CLIC5: variants seen among roughly 807,000 people sequenced by gnomAD.
CLIC5 encodes the protein CLIC family member 5.
Under a neutral mutation model 24.7 loss-of-function variants are expected in CLIC5, and 20 were observed. The observed-to-expected ratio is 0.81, with a 90% CI of 0.57 to 1.18. CLIC5 has a LOEUF of 1.18. Among genes scored for constraint, CLIC5 ranks in the 50% most tolerant of loss-of-function variants. The probability of loss-of-function intolerance (pLI) is 0.00; values close to 1 mark genes in which losing one functional copy is unlikely to be tolerated. For synonymous variants in CLIC5, 159 were observed against 135.6 expected (o/e 1.17, Z -1.20); for missense variants, 341 against 326.1 (o/e 1.05, Z -0.35).
At position 46,053,587 on chromosome 6, in the gene CLIC5, A is replaced by C. The variant is rs142347426; in HGVS notation, c.540+26116T>G. On this transcript the variant is annotated intron_variant, in intron 1 of 5. Transcript: ENST00000185206. ...GCCTTCCCTCCCACCCAGTAAATGT[A>C]CTTTAATCGTTGAGGTCGGTATTAA... Among the ~76,000 whole-genome samples the C allele has an allele frequency of 2.2e-4, 34 of 152,240 alleles. No individual in the cohort carries two copies. In the East Asian group the frequency reaches 6.0e-3, roughly 27 times the overall value.
intron 1 of CLIC5, among the ~76,000 whole-genome samples, chr6:46,077,703 G>A (rs1762808969): frequency 6.6e-6 from 1 of 152,182 alleles, no homozygotes; most frequent in Admixed American, 6.5e-5. Flanking sequence ...GCTGAGGTCA[G>A]TGGGACACTC....
intron 1 of CLIC5, among the ~76,000 whole-genome samples, chr6:45,988,141 G>A (rs1257997141): frequency 6.6e-6 from 1 of 152,130 alleles, no homozygotes; most frequent in Admixed American, 6.5e-5. Context: ...TGTGAAATCA[G>A]ACACATTACA....
At chr6:45,948,151 G>C (rs890188779) in intron 3 of CLIC5, among the ~76,000 whole-genome samples, 1 of 152,186 alleles carries the variant, frequency 6.6e-6, no homozygotes, top group African/African-American at 2.4e-5. Context: ...GTTGTGAATG[G>C]TGCCTGACAC....
intron 1 of CLIC5, among the ~76,000 whole-genome samples, chr6:45,962,843 A>C (rs1472485901): frequency 6.6e-6 from 1 of 152,124 alleles, no homozygotes; most frequent in African/African-American, 2.4e-5. Context: ...GGCTGCCTAC[A>C]ACTTTGTATG....
At chr6:46,009,897 G>A (rs572958862) in intron 1 of CLIC5, among the ~76,000 whole-genome samples, 3 of 152,298 alleles carry the variant, frequency 2.0e-5, no homozygotes, top group East Asian at 3.9e-4. Flanking sequence ...GTGGGTCAGG[G>A]ATCTGCAGTT....
intron 1 of CLIC5, among the ~76,000 whole-genome samples, chr6:46,067,188 C>T (rs138335981): frequency 6.6e-6 from 1 of 152,220 alleles, no homozygotes; most frequent in African/African-American, 2.4e-5. Flanking sequence ...GTTTAGTTCA[C>T]TTTGACCAAA....
At chr6:45,960,805 G>T (rs865858362) in intron 1 of CLIC5, among the ~76,000 whole-genome samples, 11 of 152,118 alleles carry the variant, frequency 7.2e-5, no homozygotes, top group Admixed American at 3.9e-4. Context: ...CCTGAACTCT[G>T]GGGAGTGGGC....
intron 1 of CLIC5, among the ~76,000 whole-genome samples, chr6:45,970,283 C>A (rs1405448332): frequency 7.0e-6 from 1 of 142,318 alleles, no homozygotes; most frequent in Non-Finnish European, 1.5e-5. Flanking sequence ...TAGAAGGGAG[C>A]TTTGAAAACA....
chr6:45,890,361 A>G (rs1046060290), intron 6 of CLIC5, among the ~76,000 whole-genome samples: 1 of 152,230 alleles, frequency 6.6e-6, no homozygotes, highest in Non-Finnish European at 1.5e-5. Context: ...TCAAATCACA[A>G]TGAGATATCA....
intron 1 of CLIC5, among the ~76,000 whole-genome samples, chr6:46,023,649 A>G (rs1767247911): frequency 6.6e-6 from 1 of 152,206 alleles, no homozygotes; most frequent in African/African-American, 2.4e-5. Context: ...AAATTAAAAA[A>G]TACTCAGCCC....
chr6:45,980,546 G>A (rs1360125269), intron 1 of CLIC5, among the ~76,000 whole-genome samples: 1 of 151,844 alleles, frequency 6.6e-6, no homozygotes. Flanking sequence ...ACCAGCACAT[G>A]TACCCCCAAA....
At chr6:46,088,600 C>T in the CLIC5 span, among the ~76,000 whole-genome samples, 1 of 152,058 alleles carries the variant, frequency 6.6e-6, no homozygotes, top group South Asian at 2.1e-4. Context: ...CTTTTCTACC[C>T]ATAAGTATCT....
the CLIC5 span, among the ~76,000 whole-genome samples, chr6:46,086,277 C>T: frequency 6.6e-6 from 1 of 152,228 alleles, no homozygotes; most frequent in African/African-American, 2.4e-5. Flanking sequence ...GTCTGGCACT[C>T]CCTAGTGAGA....
the CLIC5 span, among the ~76,000 whole-genome samples, chr6:46,105,920 G>C: frequency 4.6e-5 from 7 of 152,198 alleles, no homozygotes; most frequent in African/African-American, 1.2e-4. Context: ...TGAGAAAGGT[G>C]CAGTTTGAAC....
In CLIC5 at chr6:45,899,716, C is replaced by A. The variant is rs184503246; in HGVS notation, c.*3372G>T. The A allele has an allele frequency of 5.9e-5, 9 of 152,344 alleles. No individual in the cohort carries two copies. Among genetic ancestry groups the A allele is most frequent in the African/African-American group, 1.7e-4 (7 of 41,582 alleles). 9.4% of individuals were successfully genotyped at this position (152,344 alleles called of 1,614,324 possible). On this transcript the variant is annotated 3_prime_UTR_variant, in exon 6 of 6. Coordinates refer to ENST00000339561, the MANE Select transcript of CLIC5 (RefSeq NM_016929.5). Reference sequence around the variant, plus strand: ...GAACTGTGAAGAGCTTCTGTTGTTTCATTTGATAAGGGCCTGGAAAGTCAG... The same window carrying A: ...GAACTGTGAAGAGCTTCTGTTGTTTAATTTGATAAGGGCCTGGAAAGTCAG...
intron 1 of CLIC5, among the ~76,000 whole-genome samples, chr6:46,034,452 G>A (rs1029197885): frequency 6.6e-6 from 1 of 152,156 alleles, no homozygotes; most frequent in African/African-American, 2.4e-5. Context: ...AAGAATGAAA[G>A]GTAAACTGGT....
chr6:45,906,422 T>A (rs1373538152), intron 5 of CLIC5, among the ~76,000 whole-genome samples: 1 of 152,200 alleles, frequency 6.6e-6, no homozygotes, highest in Admixed American at 6.5e-5. Flanking sequence ...TGTAGAGATT[T>A]TAACTCCCTG....
At chr6:45,904,038 A>G (rs759940131) in intron 5 of CLIC5, among the ~76,000 whole-genome samples, 1 of 152,090 alleles carries the variant, frequency 6.6e-6, no homozygotes, top group African/African-American at 2.4e-5. Flanking sequence ...AGTTCTGGAG[A>G]AGTGGTATTT....
intron 1 of CLIC5, among the ~76,000 whole-genome samples, chr6:45,980,911 T>G (rs1032706335): frequency 6.6e-6 from 1 of 152,146 alleles, no homozygotes; most frequent in African/African-American, 2.4e-5. Flanking sequence ...AGCTCAAAGA[T>G]CATTATTTGA....
Sources: allele counts gnomAD v4.1 joint callset (sites outside exome capture counted in the v4.1 genomes callset), GRCh38; gene constraint gnomAD v4.1.1; transcripts MANE v1.5; gene names NCBI Gene and HGNC (gene_info 2026-07-23, HGNC 2026-07-21).